DGLUCY: variants seen among roughly 807,000 people sequenced by gnomAD.
DGLUCY encodes the protein D-glutamate cyclase, mitochondrial.
In DGLUCY, 58 loss-of-function variants were observed where a neutral mutation model predicts 58.5. The ratio of observed to expected loss-of-function variants is 0.99; its 90% CI spans 0.80 to 1.23. The LOEUF (loss-of-function observed/expected upper bound fraction) is 1.23. DGLUCY is among the 50% of genes most tolerant of loss of function. The pLI is 0.00. For synonymous variants in DGLUCY, 325 were observed against 314.1 expected, an observed-to-expected ratio of 1.03 and a Z score of -0.37; for missense variants, 779 against 784.7, an observed-to-expected ratio of 0.99 and a Z score of 0.09.
At chr14:91,105,877 A>T (rs978374389), upstream of DGLUCY, among the ~76,000 whole-genome samples, 2 of 152,194 alleles carry the variant, frequency 1.3e-5, no homozygotes, top group East Asian at 3.8e-4. Context: ...GATATGGTCT[A>T]TTACTCCTGG....
chr14:91,224,640 T>C, intron 13 of DGLUCY, 44 bp from the exon 14 acceptor site: 1 of 1,527,654 alleles, frequency 6.5e-7, no homozygotes, highest in South Asian at 1.2e-5. Flanking sequence ...AATTTCTTTT[T>C]CCTCCCCCTC....
At chr14:91,180,408 C>T (rs1216084802) in intron 7 of DGLUCY, among the ~76,000 whole-genome samples, 1 of 151,226 alleles carries the variant, frequency 6.6e-6, no homozygotes, top group Non-Finnish European at 1.5e-5. Context: ...ACTGTCTCTA[C>T]TAAAAATACT....
At chr14:91,060,540 G>A (rs922880125) in exon 1 of DGLUCY, 65 of 1,215,284 alleles carry the variant, frequency 5.3e-5, no homozygotes, top group Admixed American at 1.3e-4. Context: ...GTCGGGGTGC[G>A]GCGGCTCCAG....
intron 11 of DGLUCY, 95 bp downstream of exon 11, chr14:91,200,000 G>T: frequency 6.6e-7 from 1 of 1,515,104 alleles, no homozygotes; most frequent in Non-Finnish European, 9.0e-7. Context: ...TGTCACCCAG[G>T]CTGGAGTGCA....
Position 91,213,657 on chromosome 14 carries a change from A to G in DGLUCY, c.1565-1748A>G, listed in dbSNP as rs186628915. The stretch of plus-strand genomic sequence containing the variant: ...TGCCACGTTTTGATATATGGCTTGT[A>G]TTTTCATGCCACATGCCTTTGTATT... On this transcript the variant is annotated intron_variant, in intron 12 of 13. Coordinates refer to ENST00000256324, the MANE Select transcript of DGLUCY (RefSeq NM_001102368.3). Among the ~76,000 whole-genome samples the G allele has an allele frequency of 2.3e-3, 345 of 151,782 alleles. 4 individuals carry two copies. The highest frequency in any genetic ancestry group is 7.9e-3 in the African/African-American group (327 of 41,416).
chr14:91,129,353 T>A (rs1440404222), intron 1 of DGLUCY, among the ~76,000 whole-genome samples: 1 of 152,134 alleles, frequency 6.6e-6, no homozygotes, highest in Non-Finnish European at 1.5e-5. Flanking sequence ...CTTTTCTTTA[T>A]AGTTTTCCTT....
chr14:91,164,906 G>T (rs937009367), intron 3 of DGLUCY, among the ~76,000 whole-genome samples: 1 of 152,234 alleles, frequency 6.6e-6, no homozygotes. Flanking sequence ...AACCAGCCAG[G>T]CCTGTGTCCT....
chr14:91,087,157 G>A (rs1448122565), intron 1 of DGLUCY, among the ~76,000 whole-genome samples: 3 of 152,132 alleles, frequency 2.0e-5, no homozygotes, highest in Admixed American at 6.5e-5. Flanking sequence ...TAAAAAAGCC[G>A]AGCCCCCCAA....
chr14:91,194,544 CTTT>C (rs541744186), intron 9 of DGLUCY, among the ~76,000 whole-genome samples: 5 of 140,852 alleles, frequency 3.5e-5, no homozygotes, highest in Admixed American at 7.1e-5. Context: ...GTGAGGGATC[CTTT>C]TTTTTTTTTT....
chr14:91,194,954 C>CGGA (rs914994897), intron 9 of DGLUCY, among the ~76,000 whole-genome samples: 31 of 152,178 alleles, frequency 2.0e-4, no homozygotes, highest in African/African-American at 7.5e-4. Context: ...AGCAGCATGG[C>CGGA]GGAGTAGCTG....
At chr14:91,099,408 A>G (rs1214197431) in intron 1 of DGLUCY, among the ~76,000 whole-genome samples, 1 of 151,830 alleles carries the variant, frequency 6.6e-6, no homozygotes, top group East Asian at 1.9e-4. Flanking sequence ...GAGCATAAAC[A>G]TGTAGTCCCA....
chr14:91,142,692 C>T (rs547606738), intron 1 of DGLUCY, among the ~76,000 whole-genome samples: 4 of 152,040 alleles, frequency 2.6e-5, no homozygotes, highest in African/African-American at 7.2e-5. Context: ...GCCACGGTGG[C>T]TTATGCCTGT....
intron 11 of DGLUCY, 121 bp from the exon 12 acceptor site, chr14:91,204,585 A>G (rs540323357): frequency 1.5e-6 from 2 of 1,339,034 alleles, no homozygotes; most frequent in Admixed American, 2.6e-5. Context: ...GTCTGAAAAT[A>G]TATCCAGAGC....
chr14:91,224,980 C>G lies in DGLUCY; in HGVS notation c.*147C>G, dbSNP rs1299186055. The G allele has an allele frequency of 1.1e-6, 1 of 928,928 alleles. No homozygotes were observed. Among genetic ancestry groups the G allele is most frequent in the Non-Finnish European group, 1.5e-6 (1 of 661,124 alleles). The allele number at this position is 928,928 out of a possible 1,614,324, so 57.5% of individuals were successfully genotyped here. On this transcript the variant is annotated 3_prime_UTR_variant, in exon 14 of 14. Coordinates refer to ENST00000256324, the MANE Select transcript of DGLUCY (RefSeq NM_001102368.3). ...TCGCCTGGCCTGGGAAACTGCATGC[C>G]CACTTTCTGGGAGGGGTTAGTGCAG...
chr14:91,176,418 G>A (rs1291116752), intron 7 of DGLUCY, among the ~76,000 whole-genome samples: 1 of 152,058 alleles, frequency 6.6e-6, no homozygotes, highest in Non-Finnish European at 1.5e-5. Context: ...TAGAGACGGG[G>A]TTTCACCATG....
chr14:91,085,530 C>T (rs893551816), intron 1 of DGLUCY, among the ~76,000 whole-genome samples: 10 of 151,554 alleles, frequency 6.6e-5, no homozygotes, highest in Non-Finnish European at 8.8e-5. Flanking sequence ...ATACCAAAAT[C>T]CATGAATGCT....
At position 91,060,379 on chromosome 14, in the gene DGLUCY, C is replaced by T. The variant is rs776541777; in HGVS notation, c.-407C>T. The T allele has an allele frequency of 9.9e-6, 15 of 1,508,394 alleles. No individual in the cohort carries two copies. The Admixed American group carries it at 2.4e-4, about 24-fold the overall frequency. 93.4% of individuals were successfully genotyped at this position (1,508,394 alleles called of 1,614,324 possible). A position where few individuals can be genotyped will look rare whatever the true frequency, so the allele number is the denominator to read the frequency against. On this transcript the variant is annotated 5_prime_UTR_variant, in exon 1 of 5. Coordinates refer to the DGLUCY transcript ENST00000521334. Reference sequence around the variant, plus strand: ...AGTGAGGAGCTGCTCTCCTCCGTCGCCGCCGTCCGCGCTGGTCCCCGCGGC... The same window carrying T: ...AGTGAGGAGCTGCTCTCCTCCGTCGTCGCCGTCCGCGCTGGTCCCCGCGGC...
Position 91,165,597 on chromosome 14 carries a change from T to C in DGLUCY, c.104-1628T>C, listed in dbSNP as rs530006272. Among the ~76,000 whole-genome samples, 167 of 152,232 alleles carry C rather than the reference T, an allele frequency of 1.1e-3. 5 individuals are homozygous for C. The South Asian group carries it at 0.034, about 31-fold the overall frequency. ...GGCAAGAATCTGCCCCCCAAAAAGA[T>C]ACCCAAATGGCCAATAGGACATATG... is the stretch of plus-strand genomic sequence containing the variant. On this transcript the variant is annotated intron_variant, in intron 3 of 13. Transcript: ENST00000256324.
intron 1 of DGLUCY, among the ~76,000 whole-genome samples, chr14:91,079,534 A>G (rs2044089549): frequency 6.6e-6 from 1 of 151,998 alleles, no homozygotes; most frequent in Non-Finnish European, 1.5e-5. Context: ...TTGTATTTTT[A>G]GTAGAGACGG....
Sources: gnomAD v4.1 joint callset for allele counts (sites outside exome capture counted in the v4.1 genomes callset) on GRCh38, gnomAD v4.1.1 for gene constraint, MANE v1.5 for transcripts, NCBI Gene and HGNC (gene_info 2026-07-23, HGNC 2026-07-21) for gene names.